CNTNAP2: variants seen among roughly 807,000 people sequenced by gnomAD.
The protein encoded by CNTNAP2 is contactin associated protein 2.
In CNTNAP2, 98 loss-of-function variants were observed where a neutral mutation model predicts 155.2. The ratio of observed to expected loss-of-function variants is 0.63; its 90% CI spans 0.54 to 0.75. The LOEUF (loss-of-function observed/expected upper bound fraction) is 0.75. CNTNAP2 is among the 30% of genes least tolerant of loss of function. The pLI is 0.00. For synonymous variants in CNTNAP2, 651 were observed against 631.2 expected (o/e 1.03, Z -0.47); for missense variants, 1,727 against 1,688.1 (o/e 1.02, Z -0.40).
intron 11 of CNTNAP2, among the ~76,000 whole-genome samples, chr7:147,538,484 C>A (rs534371405): frequency 6.6e-6 from 1 of 152,072 alleles, no homozygotes; most frequent in East Asian, 1.9e-4. Flanking sequence ...AGACCCCCTT[C>A]TACAAAAAAA....
In CNTNAP2 at chr7:147,495,841, T is replaced by C. The variant is rs1031014354; in HGVS notation, c.1777+9800T>C. ...GTGGCCTTTTAGGAACTGGGCCACA[T>C]AGCAGAAGGTGAGCAGTGGTGGAGT... On this transcript the variant is annotated intron_variant, in intron 11 of 23. Transcript: ENST00000361727. 3.9e-5 allele frequency among the ~76,000 whole-genome samples: 6 copies of C among 152,272 alleles called. No homozygotes were observed. In the South Asian group the frequency reaches 1.0e-3, roughly 26 times the overall value.
intron 1 of CNTNAP2, among the ~76,000 whole-genome samples, chr7:146,690,850 G>T (rs1800686324): frequency 6.6e-6 from 1 of 152,082 alleles, no homozygotes; most frequent in East Asian, 1.9e-4. Flanking sequence ...AACTTAATTT[G>T]TGAAGCAACT....
intron 4 of CNTNAP2, chr7:147,097,634 C>T (rs191357913): frequency 6.6e-6 from 1 of 152,284 alleles, no homozygotes; most frequent in Non-Finnish European, 1.5e-5. Context: ...CCACCAGATC[C>T]CTCCCACAAC....
intron 14 of CNTNAP2, among the ~76,000 whole-genome samples, chr7:147,949,213 A>G (rs1288343624): frequency 2.0e-5 from 3 of 151,976 alleles, no homozygotes; most frequent in African/African-American, 4.8e-5. Flanking sequence ...AAAAAAGAAA[A>G]GAAAAAAGAA....
chr7:148,044,205 AT>A (rs55884389), intron 15 of CNTNAP2, among the ~76,000 whole-genome samples: 18,353 of 137,634 alleles, frequency 0.13, 1,019 homozygotes, highest in Middle Eastern at 0.19. Context: ...CTTAGGTTGT[AT>A]TTTTTTTTTT....
At chr7:147,430,564 T>C (rs1797448179) in intron 10 of CNTNAP2, among the ~76,000 whole-genome samples, 1 of 152,206 alleles carries the variant, frequency 6.6e-6, no homozygotes, top group East Asian at 1.9e-4. Flanking sequence ...AGCAAGTGTT[T>C]ATCAACTGTC....
chr7:148,095,194 C>T (rs182523712), intron 15 of CNTNAP2, among the ~76,000 whole-genome samples: 3 of 152,294 alleles, frequency 2.0e-5, no homozygotes, highest in Admixed American at 2.0e-4. Flanking sequence ...GCCAGTTTGC[C>T]TCCTAGTGTA....
chr7:146,787,634 A>G (rs528295556), intron 2 of CNTNAP2, among the ~76,000 whole-genome samples: 4 of 152,274 alleles, frequency 2.6e-5, no homozygotes, highest in East Asian at 3.9e-4. Context: ...GAAAAGCGAA[A>G]GAACAAACCT....
chr7:147,963,782 A>G (rs937808314), intron 14 of CNTNAP2, among the ~76,000 whole-genome samples: 1 of 152,142 alleles, frequency 6.6e-6, no homozygotes, highest in Non-Finnish European at 1.5e-5. Flanking sequence ...GGAAGTGCAC[A>G]CATCTTAAAT....
chr7:148,407,753 A>G (rs974629284), intron 22 of CNTNAP2, among the ~76,000 whole-genome samples: 10 of 151,408 alleles, frequency 6.6e-5, no homozygotes, highest in African/African-American at 2.4e-4. Context: ...ACAAGCAAAA[A>G]CCATCAGTGG....
intron 1 of CNTNAP2, among the ~76,000 whole-genome samples, chr7:146,411,130 T>C (rs1370176481): frequency 2.0e-5 from 3 of 151,688 alleles, no homozygotes; most frequent in African/African-American, 7.3e-5. Context: ...CAATATACTA[T>C]ATACTTGAAA....
At chr7:147,176,531 C>A (rs1802341346) in intron 8 of CNTNAP2, among the ~76,000 whole-genome samples, 1 of 149,788 alleles carries the variant, frequency 6.7e-6, no homozygotes, top group African/African-American at 2.5e-5. Flanking sequence ...ATATTATATG[C>A]CTTTTTCCTC....
chr7:146,219,654 G>A (rs1799174687), intron 1 of CNTNAP2, among the ~76,000 whole-genome samples: 1 of 152,118 alleles, frequency 6.6e-6, no homozygotes, highest in Admixed American at 6.5e-5. Context: ...AAAAGTCTCA[G>A]GTAAATGAGA....
At chr7:147,008,814 G>C (rs1002720937) in intron 3 of CNTNAP2, among the ~76,000 whole-genome samples, 5 of 152,038 alleles carry the variant, frequency 3.3e-5, no homozygotes, top group Admixed American at 6.6e-5. Context: ...CTTTTTCTCT[G>C]TACCTTGTTG....
In CNTNAP2 at chr7:146,336,662, G is replaced by T. The variant is rs75494429; in HGVS notation, c.97+219689G>T. On this transcript the variant is annotated intron_variant, in intron 1 of 23. Coordinates refer to ENST00000361727, the MANE Select transcript of CNTNAP2 (RefSeq NM_014141.6). ...GTTCACAGCATTTCTATTTTTAACG[G>T]CCCTAAACTGGAAAAACTAAAATAC... Among the ~76,000 whole-genome samples the T allele has an allele frequency of 6.6e-5, 10 of 152,190 alleles. No individual in the cohort carries two copies. In the East Asian group the frequency reaches 1.7e-3, roughly 27 times the overall value.
intron 13 of CNTNAP2, among the ~76,000 whole-genome samples, chr7:147,830,367 G>A (rs1798528533): frequency 6.6e-6 from 1 of 151,944 alleles, no homozygotes; most frequent in Non-Finnish European, 1.5e-5. Context: ...GGGGCCTCTT[G>A]TATAAGGTCA....
At chr7:148,019,966 G>A (rs908452084) in intron 15 of CNTNAP2, among the ~76,000 whole-genome samples, 45 of 152,092 alleles carry the variant, frequency 3.0e-4, no homozygotes, top group Non-Finnish European at 1.5e-5. Context: ...TGTATTTTTA[G>A]TAGAGACAGG....
At chr7:148,050,173 C>T (rs978110033) in intron 15 of CNTNAP2, among the ~76,000 whole-genome samples, 14 of 152,120 alleles carry the variant, frequency 9.2e-5, no homozygotes, top group Non-Finnish European at 2.1e-4. Context: ...CAAACCGAAA[C>T]ATTAAGTGTG....
chr7:147,399,927 T>A (rs188032395), intron 10 of CNTNAP2, among the ~76,000 whole-genome samples: 42 of 152,290 alleles, frequency 2.8e-4, no homozygotes, highest in African/African-American at 1.0e-3. Flanking sequence ...AGAGGAGGAT[T>A]GTCATCAACC....
Sources: gnomAD v4.1 joint callset for allele counts (sites outside exome capture counted in the v4.1 genomes callset) on GRCh38, gnomAD v4.1.1 for gene constraint, MANE v1.5 for transcripts, NCBI Gene and HGNC (gene_info 2026-07-23, HGNC 2026-07-21) for gene names.